Variants in CSMD2 observed in about 807,000 individuals in gnomAD.
CSMD2 encodes the protein CUB and sushi domain-containing protein 2.
CSMD2 carries 130 observed loss-of-function variants against 398.5 expected under a neutral mutation model. The observed-to-expected ratio is 0.33, with a 90% CI of 0.28 to 0.38. The LOEUF (loss-of-function observed/expected upper bound fraction) is 0.38. CSMD2 is among the 10% of genes least tolerant of loss of function. The pLI is 1.00. For synonymous variants in CSMD2, 1,828 were observed against 1,908.5 expected (o/e 0.96, Z 1.10); for missense variants, 3,829 against 4,764.9 (o/e 0.80, Z 5.78).
chr1:33,547,854 A>G (rs974927423), intron 56 of CSMD2, among the ~76,000 whole-genome samples: 3 of 152,210 alleles, frequency 2.0e-5, no homozygotes, highest in African/African-American at 7.2e-5. Context: ...ACTATTGTAA[A>G]ATAGGCACAA....
chr1:33,571,187 A>G (rs1659561855), intron 51 of CSMD2, among the ~76,000 whole-genome samples: 3 of 152,210 alleles, frequency 2.0e-5, no homozygotes, highest in African/African-American at 7.2e-5. Flanking sequence ...CCAGTAGACT[A>G]TAAAGTCCTT....
intron 27 of CSMD2, among the ~76,000 whole-genome samples, chr1:33,654,778 A>G (rs868818539): frequency 7.2e-5 from 11 of 152,244 alleles, no homozygotes; most frequent in African/African-American, 7.2e-5. Context: ...AGGGGGCACA[A>G]CGAGGCCTCC....
At chr1:34,106,594 T>C (rs929410995) in intron 1 of CSMD2, among the ~76,000 whole-genome samples, 10 of 152,102 alleles carry the variant, frequency 6.6e-5, no homozygotes, top group Admixed American at 6.5e-4. Flanking sequence ...CTCTCAAAGC[T>C]ATAGTTCTGG....
chr1:33,520,722 T>C, intron 68 of CSMD2, among the ~76,000 whole-genome samples: 1 of 152,154 alleles, frequency 6.6e-6, no homozygotes, highest in Non-Finnish European at 1.5e-5. Context: ...TTTCAGGAGC[T>C]TGGAGCCAGA....
intron 3 of CSMD2, among the ~76,000 whole-genome samples, chr1:33,942,210 G>A (rs1003820928): frequency 1.3e-5 from 2 of 152,194 alleles, no homozygotes; most frequent in Non-Finnish European, 2.9e-5. Context: ...CACTGCAGGG[G>A]CAGAGGCAGG....
intron 13 of CSMD2, among the ~76,000 whole-genome samples, chr1:33,746,386 G>A (rs1264848957): frequency 6.6e-6 from 1 of 152,206 alleles, no homozygotes; most frequent in Non-Finnish European, 1.5e-5. Context: ...TCAGAGGGAA[G>A]ATGGTCAGGG....
intron 53 of CSMD2, among the ~76,000 whole-genome samples, chr1:33,562,546 G>A (rs1439620252): frequency 6.6e-6 from 1 of 152,178 alleles, no homozygotes; most frequent in Non-Finnish European, 1.5e-5. Flanking sequence ...AGAGGTGGAG[G>A]CAATTAGTGT....
intron 5 of CSMD2, among the ~76,000 whole-genome samples, chr1:33,856,006 G>A (rs749451244): frequency 3.9e-5 from 6 of 152,196 alleles, no homozygotes; most frequent in Non-Finnish European, 2.9e-5. Flanking sequence ...TCCTAGTTGT[G>A]TGAACATGGG....
In CSMD2 at chr1:33,571,722, C is replaced by G. The variant is rs751772575; in HGVS notation, c.7767G>C (p.Val2589=). ...TGATGCTACTGACATCAGGACAAGT[C>G]ACAGCTGGGGAAATGAGGAAAAGAA... ...NRNVPPQCVP[V]TCPDVSSISV... is the part of the protein sequence containing the mutation. Residue 2589 remains valine, a synonymous_variant, in exon 51 of 71, where the codon GTG becomes GTC. Coordinates refer to ENST00000373381, the MANE Select transcript of CSMD2 (RefSeq NM_001281956.2). The G allele has an allele frequency of 1.3e-6, 2 of 1,481,650 alleles. No individual in the cohort carries two copies. The highest frequency in any genetic ancestry group is 1.8e-6 in the Non-Finnish European group (2 of 1,101,086). The allele number at this position is 1,481,650 out of a possible 1,614,324, so 91.8% of individuals were successfully genotyped here. A position where few individuals can be genotyped will look rare whatever the true frequency, so the allele number is the denominator to read the frequency against.
chr1:33,782,684 T>C (rs1395778811), intron 12 of CSMD2, among the ~76,000 whole-genome samples: 1 of 152,174 alleles, frequency 6.6e-6, no homozygotes, highest in Admixed American at 6.5e-5. Context: ...AGATCCTCAT[T>C]ACAATTTAAT....
At chr1:34,055,507 A>G (rs1420237470) in intron 2 of CSMD2, among the ~76,000 whole-genome samples, 1 of 152,040 alleles carries the variant, frequency 6.6e-6, no homozygotes, top group African/African-American at 2.4e-5. Context: ...GATTCCCAGG[A>G]CCCCCTCCCC....
chr1:34,042,445 T>C (rs1651958160), intron 2 of CSMD2, among the ~76,000 whole-genome samples: 1 of 152,226 alleles, frequency 6.6e-6, no homozygotes, highest in South Asian at 2.1e-4. Flanking sequence ...TATATTACCA[T>C]TTATTCCTGG....
chr1:34,128,487 G>A (rs966783537), intron 1 of CSMD2, among the ~76,000 whole-genome samples: 7 of 152,174 alleles, frequency 4.6e-5, no homozygotes, highest in African/African-American at 1.4e-4. Context: ...GCACGTTGTC[G>A]AAGTGGTGGC....
chr1:33,981,116 C>T (rs575600989), intron 3 of CSMD2, among the ~76,000 whole-genome samples: 1 of 152,300 alleles, frequency 6.6e-6, no homozygotes, highest in East Asian at 1.9e-4. Flanking sequence ...CCCAGTATTG[C>T]AGAGGCAGTG....
intron 1 of CSMD2, among the ~76,000 whole-genome samples, chr1:34,090,723 G>A (rs1658466752): frequency 6.6e-6 from 1 of 152,150 alleles, no homozygotes; most frequent in Non-Finnish European, 1.5e-5. Context: ...TAACTGGTCA[G>A]CCACATTTGC....
intron 1 of CSMD2, among the ~76,000 whole-genome samples, chr1:34,117,191 A>T (rs1661687656): frequency 6.6e-6 from 1 of 152,074 alleles, no homozygotes; most frequent in Admixed American, 6.5e-5. Context: ...AAAAATAAAC[A>T]AAATTAAGAG....
In CSMD2 at chr1:33,514,408, G is replaced by A. The variant is rs529145126; in HGVS notation, c.*2216C>T. On this transcript the variant is annotated 3_prime_UTR_variant, in exon 71 of 71. Transcript: ENST00000373381. ...CATGGGATGGTGATGGGTATATGGC[G>A]TAGATGGTGGGTGAAGGGCCTCATC... 7 of 150,432 alleles carry A rather than the reference G, an allele frequency of 4.7e-5. No individual in the cohort carries two copies. Among genetic ancestry groups the A allele is most frequent in the African/African-American group, 1.7e-4 (7 of 40,696 alleles). The allele number at this position is 150,432 out of a possible 1,614,324, so 9.3% of individuals were successfully genotyped here.
chr1:34,105,949 A>T (rs1660484812), intron 1 of CSMD2, among the ~76,000 whole-genome samples: 1 of 152,194 alleles, frequency 6.6e-6, no homozygotes, highest in South Asian at 2.1e-4. Flanking sequence ...TAGTGAAAAT[A>T]ATGCAATTGT....
intron 3 of CSMD2, among the ~76,000 whole-genome samples, chr1:34,023,135 G>A (rs1649146780): frequency 6.6e-6 from 1 of 152,110 alleles, no homozygotes; most frequent in South Asian, 2.1e-4. Flanking sequence ...CACACTCGAA[G>A]GATTTAAAGG....
Sources: allele counts gnomAD v4.1 joint callset (sites outside exome capture counted in the v4.1 genomes callset), GRCh38; gene constraint gnomAD v4.1.1; transcripts MANE v1.5; gene names NCBI Gene and HGNC (gene_info 2026-07-23, HGNC 2026-07-21).